IDO2: variants seen among roughly 807,000 people sequenced by gnomAD.
IDO2 encodes indoleamine 2,3-dioxygenase-like 1 protein.
A neutral mutation model predicts 45.1 loss-of-function variants in IDO2; 46 were observed. The observed-to-expected ratio is 1.02, with a 90% CI of 0.80 to 1.30. The LOEUF (loss-of-function observed/expected upper bound fraction) is 1.30. Among genes scored for constraint, IDO2 ranks in the 50% most tolerant of loss-of-function variants. IDO2 has a pLI of 0.00. For missense variants in IDO2, 544 were observed against 491.8 expected (o/e 1.11, Z -1.00); for synonymous variants, 218 against 184.9 (o/e 1.18, Z -1.45).
At chr8:39,935,275 C>G in intron 1 of IDO2, 57 bp downstream of exon 1, 1 of 1,397,300 alleles carries the variant, frequency 7.2e-7, no homozygotes, top group South Asian at 1.2e-5. Context: ...AACATCAAGA[C>G]TGACAATTTG....
chr8:39,993,397 G>A (rs986382252), intron 8 of IDO2, among the ~76,000 whole-genome samples: 1 of 152,102 alleles, frequency 6.6e-6, no homozygotes, highest in Non-Finnish European at 1.5e-5. Flanking sequence ...TTGACCCATC[G>A]GCGCATTGGC....
chr8:39,992,679 C>A (rs973607764), intron 8 of IDO2, among the ~76,000 whole-genome samples: 3 of 152,184 alleles, frequency 2.0e-5, no homozygotes, highest in Non-Finnish European at 4.4e-5. Flanking sequence ...TAATGATAAA[C>A]TTTCTTCTGC....
chr8:40,010,308 G>A (rs10958579), intron 9 of IDO2, among the ~76,000 whole-genome samples: 34,295 of 151,920 alleles, frequency 0.23, 4,331 homozygotes, highest in East Asian at 0.34. Context: ...CGTGTTGGTC[G>A]TGGTGGAAGA....
At chr8:39,994,468 G>T (rs912611606) in intron 8 of IDO2, among the ~76,000 whole-genome samples, 11 of 152,058 alleles carry the variant, frequency 7.2e-5, no homozygotes, top group African/African-American at 2.4e-4. Flanking sequence ...TGTTGGTCAG[G>T]CTGGTCTCGA....
intron 3 of IDO2, among the ~76,000 whole-genome samples, chr8:39,969,402 AT>A (rs1808146864): frequency 6.6e-6 from 1 of 152,152 alleles, no homozygotes; most frequent in South Asian, 2.1e-4. Context: ...CTGAAACTTA[AT>A]TGATAAATGT....
chr8:40,010,698 C>G (rs923379170), intron 9 of IDO2, among the ~76,000 whole-genome samples: 3 of 151,980 alleles, frequency 2.0e-5, no homozygotes, highest in Admixed American at 1.3e-4. Context: ...GTTTTGGGGT[C>G]CTGGTTCACT....
Position 40,002,730 on chromosome 8 carries a change from C to T in IDO2, c.668-2597C>T, listed in dbSNP as rs146583332. On this transcript the variant is annotated intron_variant, in intron 8 of 10. Coordinates refer to ENST00000502986, the Ensembl canonical transcript of IDO2. ...GGCAGGCGGGGGGTGCAGTGAGCCG[C>T]GATCATGCCACTGTACTCCAGCCTG... 2.7e-3 allele frequency among the ~76,000 whole-genome samples: 405 copies of T among 151,976 alleles called. 6 individuals carry two copies. The highest frequency in any genetic ancestry group is 9.2e-3 in the African/African-American group (380 of 41,482).
chr8:39,939,271 G>A (rs1437206437), intron 1 of IDO2, among the ~76,000 whole-genome samples: 1 of 147,814 alleles, frequency 6.8e-6, no homozygotes, highest in Non-Finnish European at 1.5e-5. Context: ...AAGAGGCCAG[G>A]AGTGGTGGCT....
At chr8:39,986,371 A>G (rs1243492512) in intron 6 of IDO2, 1 of 152,144 alleles carries the variant, frequency 6.6e-6, no homozygotes, top group Non-Finnish European at 1.5e-5. Flanking sequence ...CAAACTCATC[A>G]AATAAGAGTG....
intron 1 of IDO2, among the ~76,000 whole-genome samples, chr8:39,946,992 T>A (rs1201140481): frequency 6.6e-6 from 1 of 151,906 alleles, no homozygotes; most frequent in Non-Finnish European, 1.5e-5. Context: ...AAACCCCATC[T>A]CTACTAAAAA....
intron 3 of IDO2, among the ~76,000 whole-genome samples, chr8:39,977,283 C>T (rs1263283727): frequency 6.6e-6 from 1 of 152,046 alleles, no homozygotes; most frequent in Non-Finnish European, 1.5e-5. Flanking sequence ...AACAAAAATG[C>T]CAATGAAAAC....
chr8:39,996,188 G>A (rs1045247678), intron 8 of IDO2, among the ~76,000 whole-genome samples: 2 of 152,174 alleles, frequency 1.3e-5, no homozygotes, highest in African/African-American at 4.8e-5. Context: ...CTTGTGGAGG[G>A]CCTGACATGA....
chr8:39,977,862 T>C (rs1808285295), intron 3 of IDO2, among the ~76,000 whole-genome samples: 1 of 152,220 alleles, frequency 6.6e-6, no homozygotes. Context: ...CATGAGATGT[T>C]TTGATACAGG....
intron 8 of IDO2, among the ~76,000 whole-genome samples, chr8:39,999,864 C>T (rs2909325): frequency 0.086 from 13,102 of 152,184 alleles, 660 homozygotes; most frequent in Middle Eastern, 0.15. Context: ...GAATATTCTC[C>T]GTAAACATTC....
At chr8:40,013,783 A>G in intron 10 of IDO2, 70 bp downstream of exon 10, 1 of 752,840 alleles carries the variant, frequency 1.3e-6, no homozygotes, top group Non-Finnish European at 2.0e-6. Flanking sequence ...TTTTTTTCCA[A>G]TTGATAAAAC....
intron 4 of IDO2, 116 bp downstream of exon 4, chr8:39,979,302 C>G (rs563091337): frequency 9.5e-7 from 1 of 1,049,836 alleles, no homozygotes; most frequent in East Asian, 2.7e-5. Flanking sequence ...TTCTTCTTCT[C>G]GATGGGCATC....
intron 1 of IDO2, among the ~76,000 whole-genome samples, chr8:39,942,107 A>G (rs2129593017): frequency 6.6e-6 from 1 of 152,268 alleles, no homozygotes; most frequent in South Asian, 2.1e-4. Flanking sequence ...AATAAAAAAT[A>G]AGAAAGAATT....
At chr8:39,989,625 C>T (rs777254897) in intron 7 of IDO2, 96 bp from the exon 8 acceptor site, 37 of 838,156 alleles carry the variant, frequency 4.4e-5, no homozygotes, top group South Asian at 7.1e-5. Flanking sequence ...ACAAACTGTC[C>T]GGTCCTCCCC....
At chr8:40,011,971 G>C (rs1015897084) in intron 9 of IDO2, among the ~76,000 whole-genome samples, 2 of 152,176 alleles carry the variant, frequency 1.3e-5, no homozygotes, top group African/African-American at 2.4e-5. Context: ...TTTTCAGAGT[G>C]ATGTTGCCCC....
Sources: allele counts gnomAD v4.1 joint callset (sites outside exome capture counted in the v4.1 genomes callset), GRCh38; gene constraint gnomAD v4.1.1; transcripts MANE v1.5; gene names NCBI Gene and HGNC (gene_info 2026-07-23, HGNC 2026-07-21).